The following RAPGEF1 variants were observed in gnomAD, a reference collection of about 807,000 sequenced individuals.
RAPGEF1 encodes Rap guanine nucleotide exchange factor 1, also known as CRK SH3-binding GNRP.
A neutral mutation model predicts 143.3 loss-of-function variants in RAPGEF1; 33 were observed. That is an observed-to-expected ratio of 0.23 (90% CI 0.17 to 0.31). The LOEUF (loss-of-function observed/expected upper bound fraction) is 0.31. Ranked by LOEUF, RAPGEF1 falls within the 10% of genes least tolerant of loss-of-function variation. The pLI, the probability that RAPGEF1 is intolerant of heterozygous loss-of-function variation, is 1.00. For missense variants in RAPGEF1, 1,199 were observed against 1,645.4 expected (o/e 0.73, Z 4.69); for synonymous variants, 629 against 676.5 (o/e 0.93, Z 1.09).
intron 1 of RAPGEF1, among the ~76,000 whole-genome samples, chr9:131,702,926 C>T (rs892572817): frequency 1.5e-4 from 23 of 152,168 alleles, no homozygotes; most frequent in African/African-American, 4.6e-4. Context: ...TATTTGCATA[C>T]GATGACAATT....
intron 1 of RAPGEF1, among the ~76,000 whole-genome samples, chr9:131,737,908 C>A (rs976745834): frequency 4.0e-5 from 6 of 150,722 alleles, no homozygotes; most frequent in African/African-American, 1.5e-4. Flanking sequence ...GCGGAGCTTG[C>A]AGTGAGCCGA....
chr9:131,637,274 T>C (rs1275348512), intron 5 of RAPGEF1, among the ~76,000 whole-genome samples: 3 of 151,602 alleles, frequency 2.0e-5, no homozygotes, highest in Non-Finnish European at 4.4e-5. Flanking sequence ...AGGAAAATAT[T>C]GATGTCATCT....
intron 5 of RAPGEF1, among the ~76,000 whole-genome samples, chr9:131,636,207 G>T (rs953984982): frequency 6.6e-6 from 1 of 152,222 alleles, no homozygotes; most frequent in Non-Finnish European, 1.5e-5. Context: ...AGTGCCATAG[G>T]GCAGGGTCTG....
chr9:131,590,075 GC>G, intron 18 of RAPGEF1, 97 bp from the exon 19 acceptor site: 1 of 1,079,320 alleles, frequency 9.3e-7, no homozygotes, highest in Non-Finnish European at 1.4e-6. Flanking sequence ...CTCACAATGT[GC>G]CCATCTTCCT....
At chr9:131,697,914 AG>A (rs1386187427) in intron 1 of RAPGEF1, among the ~76,000 whole-genome samples, 1 of 152,144 alleles carries the variant, frequency 6.6e-6, no homozygotes, top group Non-Finnish European at 1.5e-5. Context: ...CCAGAAAGAG[AG>A]GGGCCAGGAT....
rs779406654 is a variant in RAPGEF1, at chr9:131,584,628, A to G, written c.3234-32T>C. The G allele has an allele frequency of 6.2e-7, 1 of 1,609,264 alleles. No individual in the cohort carries two copies. The highest frequency in any genetic ancestry group is 8.5e-7 in the Non-Finnish European group (1 of 1,175,642). On this transcript the variant is annotated intron_variant, in intron 22 of 26. Transcript: ENST00000683357. This position sits in a 1 kb window ranked among gnomAD's most constrained non-coding sequence, Gnocchi z 6.8. ...GGACCAAGGGAAAAAGAAACAGCTGAGTTGACAAGTCCCTGCAGGTCCCAG... is the reference window on the plus strand; with the variant it reads ...GGACCAAGGGAAAAAGAAACAGCTGGGTTGACAAGTCCCTGCAGGTCCCAG...
chr9:131,587,882 G>A (rs1267074561), intron 21 of RAPGEF1, 52 bp from the exon 22 acceptor site: 12 of 1,598,610 alleles, frequency 7.5e-6, no homozygotes, highest in African/African-American at 2.7e-5. Flanking sequence ...TTCCCCTGAT[G>A]GGGGTTTCTC....
intron 1 of RAPGEF1, among the ~76,000 whole-genome samples, chr9:131,736,773 G>A (rs1480968763): frequency 1.3e-5 from 2 of 152,146 alleles, no homozygotes; most frequent in Admixed American, 1.3e-4. Context: ...TTCAGGGAGA[G>A]GAGATTATGA....
chr9:131,695,922 C>A (rs762829451), intron 1 of RAPGEF1, among the ~76,000 whole-genome samples: 26 of 152,240 alleles, frequency 1.7e-4, no homozygotes, highest in Admixed American at 7.2e-4. Context: ...CCGTTCCCTG[C>A]TGCAGATTTT....
intron 25 of RAPGEF1, among the ~76,000 whole-genome samples, chr9:131,582,078 G>A (rs183972612): frequency 4.6e-5 from 7 of 152,286 alleles, no homozygotes; most frequent in Middle Eastern, 3.4e-3. Flanking sequence ...ATTCCGCTAC[G>A]TCCCTTTTCT....
intron 1 of RAPGEF1, among the ~76,000 whole-genome samples, chr9:131,728,338 C>T (rs144372226): frequency 1.1e-3 from 168 of 152,262 alleles, no homozygotes; most frequent in African/African-American, 3.9e-3. Context: ...CAGAGCTGAA[C>T]GAAGATGATT....
At chr9:131,701,783 A>C (rs1213205162) in intron 1 of RAPGEF1, among the ~76,000 whole-genome samples, 1 of 152,256 alleles carries the variant, frequency 6.6e-6, no homozygotes, top group Non-Finnish European at 1.5e-5. Flanking sequence ...GCAGGGCTTC[A>C]GACAAGTTAC....
intron 5 of RAPGEF1, among the ~76,000 whole-genome samples, chr9:131,631,053 G>A (rs576768939): frequency 4.6e-5 from 7 of 151,592 alleles, no homozygotes; most frequent in South Asian, 2.1e-4. Flanking sequence ...TTCTATCACC[G>A]TCTCCAGCCA....
Position 131,628,499 on chromosome 9 carries a change from C to G in RAPGEF1, c.1017+50G>C. The G allele has an allele frequency of 6.3e-7, 1 of 1,596,468 alleles. No homozygotes were observed. Among genetic ancestry groups the G allele is most frequent in the South Asian group, 1.1e-5 (1 of 90,080 alleles). ...CAGCTTCAGGAGCCACATCCCTGAG[C>G]CCCCCACCCCCTCCCTGCCTTCCCA... is the stretch of plus-strand genomic sequence containing the variant. On this transcript the variant is annotated intron_variant, in intron 8 of 26. Transcript: ENST00000683357. The surrounding 1 kb of genome is among the most constrained non-coding windows in gnomAD (Gnocchi z 5.7).
rs1373364948 is a variant in RAPGEF1, at chr9:131,579,411, T to G, written c.*86A>C. 20 of 1,512,882 alleles carry G rather than the reference T, an allele frequency of 1.3e-5. No homozygotes were observed. The East Asian group carries it at 4.6e-4, about 35-fold the overall frequency. The allele number at this position is 1,512,882 out of a possible 1,614,324, so 93.7% of individuals were successfully genotyped here. A position where few individuals can be genotyped will look rare whatever the true frequency, so the allele number is the denominator to read the frequency against. On this transcript the variant is annotated 3_prime_UTR_variant, in exon 27 of 27. Transcript: ENST00000683357. Reference sequence around the variant, plus strand: ...GGCTCCGAGGCCGGGACTCCTGCCATGCGCCTAACAGGTCCAAGGTCCTCT... The same window carrying G: ...GGCTCCGAGGCCGGGACTCCTGCCAGGCGCCTAACAGGTCCAAGGTCCTCT...
At chr9:131,659,351 ATTTT>A in intron 1 of RAPGEF1, among the ~76,000 whole-genome samples, 1 of 151,908 alleles carries the variant, frequency 6.6e-6, no homozygotes, top group African/African-American at 2.4e-5. Flanking sequence ...CTATTTATTT[ATTTT>A]ATCTTGAGAC....
chr9:131,585,362 AGG>A (rs36097571), intron 22 of RAPGEF1, among the ~76,000 whole-genome samples: 1 of 146,258 alleles, frequency 6.8e-6, no homozygotes, highest in Non-Finnish European at 1.5e-5. Flanking sequence ...AATTTTTTGT[AGG>A]GGGGGGGCGT....
intron 1 of RAPGEF1, among the ~76,000 whole-genome samples, chr9:131,736,937 G>C (rs917984581): frequency 6.6e-6 from 1 of 152,080 alleles, no homozygotes; most frequent in African/African-American, 2.4e-5. Flanking sequence ...ATAGTGGGAA[G>C]TCCATTAAAA....
chr9:131,591,757 G>A lies in RAPGEF1; in HGVS notation c.2774+342C>T, dbSNP rs888059486. Among the ~76,000 whole-genome samples, 5 of 152,310 alleles carry A rather than the reference G, an allele frequency of 3.3e-5. No individual in the cohort carries two copies. In the Middle Eastern group the frequency reaches 0.01, roughly 311 times the overall value. On this transcript the variant is annotated intron_variant, in intron 18 of 26. Coordinates refer to ENST00000683357, the MANE Select transcript of RAPGEF1 (RefSeq NM_001377935.1). Reference sequence around the variant, plus strand: ...GTCTCTCAGAGGCGTCTGCAGGACCGGCACACTTACCCCTCCCAGTCTGGG... The same window carrying A: ...GTCTCTCAGAGGCGTCTGCAGGACCAGCACACTTACCCCTCCCAGTCTGGG...
Sources: gnomAD v4.1 joint callset for allele counts (sites outside exome capture counted in the v4.1 genomes callset) on GRCh38, gnomAD v4.1.1 for gene constraint, Gnocchi (gnomAD v3.1) non-coding constraint, MANE v1.5 for transcripts, NCBI Gene and HGNC (gene_info 2026-07-23, HGNC 2026-07-21) for gene names.